Variants in TMTC2 observed in about 807,000 individuals in gnomAD.
TMTC2 encodes the protein transmembrane O-mannosyltransferase targeting cadherins 2.
TMTC2 carries 43 observed loss-of-function variants against 82.4 expected under a neutral mutation model. The observed-to-expected ratio is 0.52, with a 90% CI of 0.41 to 0.67. The LOEUF is 0.67. Ranked by LOEUF, TMTC2 falls within the 30% of genes least tolerant of loss-of-function variation. The pLI, the probability that TMTC2 is intolerant of heterozygous loss-of-function variation, is 0.00. For missense variants in TMTC2, 919 were observed against 1,012.4 expected (o/e 0.91, Z 1.25); for synonymous variants, 408 against 381.9 (o/e 1.07, Z -0.80).
intron 11 of TMTC2, among the ~76,000 whole-genome samples, chr12:83,128,834 C>T (rs17633945): frequency 0.1 from 15,320 of 152,140 alleles, 851 homozygotes; most frequent in South Asian, 0.14. Flanking sequence ...GGAGACATGA[C>T]AGGCTTAAAA....
At chr12:83,125,899 T>G (rs1362600302) in intron 11 of TMTC2, among the ~76,000 whole-genome samples, 1 of 152,158 alleles carries the variant, frequency 6.6e-6, no homozygotes, top group African/African-American at 2.4e-5. Context: ...GAAAAGCAAT[T>G]TGGTAATAGC....
At chr12:83,050,658 A>G (rs1448952808) in intron 9 of TMTC2, among the ~76,000 whole-genome samples, 2 of 152,132 alleles carry the variant, frequency 1.3e-5, no homozygotes, top group East Asian at 3.8e-4. Context: ...TATTCATCAT[A>G]TATCTTGCTG....
chr12:82,871,790 A>G (rs1053167071), intron 2 of TMTC2, among the ~76,000 whole-genome samples: 8 of 150,202 alleles, frequency 5.3e-5, no homozygotes, highest in South Asian at 2.1e-4. Flanking sequence ...TTTCTCCTCA[A>G]TGCTGCTCAT....
At chr12:82,898,956 A>C (rs1459659882) in intron 3 of TMTC2, among the ~76,000 whole-genome samples, 1 of 152,250 alleles carries the variant, frequency 6.6e-6, no homozygotes, top group Non-Finnish European at 1.5e-5. Flanking sequence ...ATTTTCCAGC[A>C]TTAGCTGGTA....
intron 1 of TMTC2, among the ~76,000 whole-genome samples, chr12:82,765,438 T>C (rs1471844721): frequency 6.6e-6 from 1 of 151,632 alleles, no homozygotes; most frequent in Non-Finnish European, 1.5e-5. Flanking sequence ...ACTTTGGGAG[T>C]CCGAGGCGGG....
chr12:82,798,294 G>A (rs929156535), intron 1 of TMTC2, among the ~76,000 whole-genome samples: 7 of 149,802 alleles, frequency 4.7e-5, no homozygotes, highest in East Asian at 2.0e-4. Context: ...ACTTGGGGCC[G>A]GGTGTGGTGG....
chr12:82,744,023 C>T (rs1318126184), intron 1 of TMTC2, among the ~76,000 whole-genome samples: 1 of 152,012 alleles, frequency 6.6e-6, no homozygotes, highest in East Asian at 1.9e-4. Flanking sequence ...CCTTTAATCC[C>T]TGTGCTCTGG....
chr12:82,816,144 CTTT>C (rs759486155), intron 1 of TMTC2, among the ~76,000 whole-genome samples: 3 of 139,184 alleles, frequency 2.2e-5, no homozygotes, highest in African/African-American at 2.6e-5. Context: ...AATGTGCTAT[CTTT>C]TTTTTTTTTT....
chr12:82,741,272 T>A (rs1178185195), intron 1 of TMTC2, among the ~76,000 whole-genome samples: 1 of 152,184 alleles, frequency 6.6e-6, no homozygotes, highest in African/African-American at 2.4e-5. Flanking sequence ...TGTTAAATAC[T>A]TGACTGTTTC....
intron 11 of TMTC2, among the ~76,000 whole-genome samples, chr12:83,065,862 G>A (rs1381093049): frequency 6.6e-6 from 1 of 151,926 alleles, no homozygotes; most frequent in Non-Finnish European, 1.5e-5. Flanking sequence ...TGGGAAATTT[G>A]CATACTACAA....
At position 83,059,166 on chromosome 12, in the gene TMTC2, T is replaced by C. The variant is rs915398904; in HGVS notation, c.2268-2602T>C. On this transcript the variant is annotated intron_variant, in intron 10 of 11. Coordinates refer to ENST00000321196, the MANE Select transcript of TMTC2 (RefSeq NM_152588.3). ...CTAACAACGTTATGGTTGAAGTTCT[T>C]GACAATATTTAGTAGAATCTCTAAG... Among the ~76,000 whole-genome samples, 7 of 151,952 alleles carry C rather than the reference T, an allele frequency of 4.6e-5. No homozygotes were observed. In the South Asian group the frequency reaches 1.5e-3, roughly 32 times the overall value.
At chr12:82,758,212 GT>G (rs1291207055) in intron 1 of TMTC2, among the ~76,000 whole-genome samples, 1 of 152,024 alleles carries the variant, frequency 6.6e-6, no homozygotes, top group Non-Finnish European at 1.5e-5. Context: ...TTAAAAAGTA[GT>G]TTTACCCTGT....
intron 1 of TMTC2, among the ~76,000 whole-genome samples, chr12:82,821,815 G>T (rs1037504074): frequency 1.0e-4 from 15 of 150,248 alleles, no homozygotes; most frequent in Non-Finnish European, 1.5e-5. Flanking sequence ...GGAGGTTGGA[G>T]ACCGAGGTTG....
At chr12:82,937,900 A>G (rs1216173197) in intron 4 of TMTC2, among the ~76,000 whole-genome samples, 2 of 133,492 alleles carry the variant, frequency 1.5e-5, no homozygotes, top group African/African-American at 5.6e-5. Context: ...GACACCATAG[A>G]TTCAAACCTT....
At position 82,937,220 on chromosome 12, in the gene TMTC2, C is replaced by T. The variant is rs141041235; in HGVS notation, c.1598+6675C>T. Among the ~76,000 whole-genome samples, 316 of 152,136 alleles carry T rather than the reference C, an allele frequency of 2.1e-3. 1 individual carries two copies. The highest frequency in any genetic ancestry group is 7.2e-3 in the African/African-American group (299 of 41,524). On this transcript the variant is annotated intron_variant, in intron 4 of 11. Coordinates refer to ENST00000321196, the MANE Select transcript of TMTC2 (RefSeq NM_152588.3). The stretch of plus-strand genomic sequence containing the variant: ...TTCACAGATCTGAAAACTAGAAATT[C>T]GAAGTCAAGGTGTTGGCAGGGCCAT...
At chr12:82,882,241 C>A (rs1392902331) in intron 2 of TMTC2, among the ~76,000 whole-genome samples, 1 of 151,698 alleles carries the variant, frequency 6.6e-6, no homozygotes. Flanking sequence ...CCTCGTGATC[C>A]GCCCGCCTCG....
rs758383814 is a variant in TMTC2, at chr12:82,857,103, T to C, written c.177T>C (p.Ser59=). Residue 59 remains serine (S), a synonymous_variant, in exon 2 of 12, where the codon AGT becomes AGC. Coordinates refer to ENST00000321196, the MANE Select transcript of TMTC2 (RefSeq NM_152588.3). ...NDFWGTLLTH[S]GSHKSYRPLC... ...TTTGGGGGACTCTTCTAACCCACAG[T>C]GGCAGCCACAAGTCCTACCGGCCAC... 12 of 1,614,082 alleles carry C rather than the reference T, an allele frequency of 7.4e-6. No individual in the cohort carries two copies. The highest frequency in any genetic ancestry group is 9.3e-6 in the Non-Finnish European group (11 of 1,180,022).
chr12:82,774,575 T>G (rs1877484056), intron 1 of TMTC2, among the ~76,000 whole-genome samples: 2 of 151,426 alleles, frequency 1.3e-5, no homozygotes, highest in South Asian at 4.2e-4. Context: ...GAGCTGAGAT[T>G]GAGCCACTGC....
chr12:82,915,617 G>A lies in TMTC2; in HGVS notation c.1484-14814G>A, dbSNP rs1297325107. ...GTGGTTTGGGCGATAAAATTAAAAA[G>A]GGAATTTAAGGGAGAAAATGGATTC... On this transcript the variant is annotated intron_variant, in intron 3 of 11. Coordinates refer to ENST00000321196, the MANE Select transcript of TMTC2 (RefSeq NM_152588.3). Among the ~76,000 whole-genome samples, 3 of 152,288 alleles carry A rather than the reference G, an allele frequency of 2.0e-5. No homozygotes were observed. In the East Asian group the frequency reaches 5.8e-4, roughly 29 times the overall value.
Sources: allele counts gnomAD v4.1 joint callset (sites outside exome capture counted in the v4.1 genomes callset), GRCh38; gene constraint gnomAD v4.1.1; transcripts MANE v1.5; gene names NCBI Gene and HGNC (gene_info 2026-07-23, HGNC 2026-07-21).